ZNF544: variants seen among roughly 807,000 people sequenced by gnomAD.
ZNF544 encodes zinc finger protein AF020591.
In ZNF544, 10 loss-of-function variants were observed where a neutral mutation model predicts 13.5. That is an observed-to-expected ratio of 0.74 (90% CI 0.46 to 1.25). The LOEUF (loss-of-function observed/expected upper bound fraction) is 1.25, where lower values mean the gene tolerates loss of function less well. Ranked by LOEUF, ZNF544 falls within the 50% of genes most tolerant of loss-of-function variation. The probability of loss-of-function intolerance (pLI) is 0.00; values close to 1 mark genes in which losing one functional copy is unlikely to be tolerated. For synonymous variants in ZNF544, 323 were observed against 300.5 expected, an observed-to-expected ratio of 1.07 and a Z score of -0.77; for missense variants, 896 against 845.6, an observed-to-expected ratio of 1.06 and a Z score of -0.74.
intron 6 of ZNF544, chr19:58,259,411 C>T (rs960224406): frequency 6.6e-6 from 1 of 152,194 alleles, no homozygotes; most frequent in Non-Finnish European, 1.5e-5. Flanking sequence ...TCTGTGTTTG[C>T]TTCCTGTGGC....
At chr19:58,269,831 G>A (rs910629085) in intron 5 of ZNF544, among the ~76,000 whole-genome samples, 1 of 152,082 alleles carries the variant, frequency 6.6e-6, no homozygotes, top group Non-Finnish European at 1.5e-5. Flanking sequence ...TGACGCAGGA[G>A]TATCACTTGA....
chr19:58,266,692 T>G (rs2049958621), downstream of ZNF544: 1 of 151,782 alleles, frequency 6.6e-6, no homozygotes, highest in African/African-American at 2.4e-5. Flanking sequence ...TCCATGAAAC[T>G]CAGACTCTTC....
downstream of ZNF544, among the ~76,000 whole-genome samples, chr19:58,266,212 C>CAAAAAAAAA (rs760851818): frequency 1.3e-4 from 6 of 46,206 alleles, no homozygotes; most frequent in South Asian, 3.7e-3. Context: ...GACTCTGTCT[C>CAAAAAAAAA]AAAAAAAAAA....
chr19:58,241,990 ATG>A (rs1220160755), intron 3 of ZNF544, among the ~76,000 whole-genome samples: 1 of 151,586 alleles, frequency 6.6e-6, no homozygotes, highest in Non-Finnish European at 1.5e-5. Flanking sequence ...TGCCTGAAGA[ATG>A]TTATGTGTCT....
At chr19:58,231,072 C>T (rs1454539358) in intron 3 of ZNF544, among the ~76,000 whole-genome samples, 1 of 152,098 alleles carries the variant, frequency 6.6e-6, no homozygotes, top group Non-Finnish European at 1.5e-5. Flanking sequence ...ACCCAGAACT[C>T]AGAAACTAGC....
rs780962932 is a variant in ZNF544 at position 58,261,279 on chromosome 19, A to T, written c.673A>T (p.Ser225Cys). Residue 225 changes from serine to cysteine, a missense_variant, in exon 7 of 7, where the codon AGT (serine) becomes TGT (cysteine). Ser to Cys is a moderately radical substitution (Grantham distance 112). Transcript: ENST00000687789. The stretch of plus-strand genomic sequence containing the variant: ...TCAGTGTGCTAGAGCTTTCTGTCAG[A>T]GTATTTACTTGAGTAAACTTGGAAA... ...SHQCARAFCQ[S>C]IYLSKLGNVE... 1 of 1,614,206 alleles carries T rather than the reference A, an allele frequency of 6.2e-7. No individual in the cohort carries two copies. The highest frequency in any genetic ancestry group is 2.2e-5 in the East Asian group (1 of 44,892).
intron 6 of ZNF544, among the ~76,000 whole-genome samples, chr19:58,249,517 T>A (rs2045946018): frequency 6.6e-6 from 1 of 152,172 alleles, no homozygotes; most frequent in Admixed American, 6.5e-5. Context: ...CCAAGGCAAG[T>A]ATAGTCATTA....
At chr19:58,276,281 G>A (rs2051217158) in intron 5 of ZNF544, 3 of 1,115,898 alleles carry the variant, frequency 2.7e-6, no homozygotes, top group Non-Finnish European at 3.4e-6. Context: ...CCACTGTGCA[G>A]GGGAAGGCAA....
At chr19:58,243,887 G>T (rs1016359851) in intron 3 of ZNF544, 78 bp from the exon 4 acceptor site, 1 of 1,219,208 alleles carries the variant, frequency 8.2e-7, no homozygotes, top group African/African-American at 1.6e-5. Flanking sequence ...GGCCGGCCCC[G>T]CGTTCTCTAG....
chr19:58,240,417 C>T (rs555147245), intron 3 of ZNF544, among the ~76,000 whole-genome samples: 1 of 151,982 alleles, frequency 6.6e-6, no homozygotes, highest in East Asian at 2.0e-4. Context: ...ACCACCACGC[C>T]CGTCTAATTT....
At chr19:58,241,180 T>TATATTTTAATATATATA (rs1491408473) in intron 3 of ZNF544, among the ~76,000 whole-genome samples, 1 of 67,392 alleles carries the variant, frequency 1.5e-5, no homozygotes, top group African/African-American at 6.8e-5. Context: ...TATATATATA[T>TATATTTTAATATATATA]TTTTTTTTTT....
Position 58,261,287 on chromosome 19 carries a change from C to T in ZNF544, c.681C>T (p.Tyr227=), listed in dbSNP as rs780373759. The change falls in exon 7 of 7, where the codon TAC becomes TAT. Residue 227 remains tyrosine, a synonymous_variant. Coordinates refer to ENST00000687789, the MANE Select transcript of ZNF544 (RefSeq NM_014480.4). ...CTAGAGCTTTCTGTCAGAGTATTTACTTGAGTAAACTTGGAAACGTTGAAA... is the reference window on the plus strand; with the variant it reads ...CTAGAGCTTTCTGTCAGAGTATTTATTTGAGTAAACTTGGAAACGTTGAAA... The part of the protein sequence containing the change: ...QCARAFCQSI[Y]LSKLGNVETG... 1.9e-5 allele frequency: 30 copies of T among 1,614,016 alleles called. No individual in the cohort carries two copies. In the Admixed American group the frequency reaches 3.2e-4, roughly 17 times the overall value.
At chr19:58,248,273 C>CTTTTTT (rs34774786) in intron 6 of ZNF544, among the ~76,000 whole-genome samples, 2 of 108,516 alleles carry the variant, frequency 1.8e-5, no homozygotes, top group Non-Finnish European at 3.7e-5. Flanking sequence ...TTTTTTTTTT[C>CTTTTTT]TTTTTTTTTT....
chr19:58,244,446 C>T (rs774401136), intron 4 of ZNF544, among the ~76,000 whole-genome samples: 1 of 152,050 alleles, frequency 6.6e-6, no homozygotes, highest in Non-Finnish European at 1.5e-5. Context: ...CTGTAGTTAC[C>T]TACCTGCAGA....
At chr19:58,238,572 T>C (rs1040045721) in intron 3 of ZNF544, among the ~76,000 whole-genome samples, 6 of 152,122 alleles carry the variant, frequency 3.9e-5, no homozygotes, top group African/African-American at 1.2e-4. Context: ...TCAGTACACG[T>C]GTGAGCATCG....
rs1403568111 is a variant in ZNF544 at position 58,246,431 on chromosome 19, A to G, written c.160+4A>G. 1.9e-6 allele frequency: 3 copies of G among 1,613,980 alleles called. No homozygotes were observed. Among genetic ancestry groups the G allele is most frequent in the Non-Finnish European group, 2.5e-6 (3 of 1,179,960 alleles). On this transcript the variant is annotated splice_donor_region_variant and intron_variant, in intron 5 of 6. Coordinates refer to ENST00000687789, the MANE Select transcript of ZNF544 (RefSeq NM_014480.4). ...TGGGAGCATATTGTCTCCCTGGGTA[A>G]GTGGCTGTGCTCATGGAAGGAGGTT...
At chr19:58,256,201 C>T (rs1055267234) in intron 6 of ZNF544, among the ~76,000 whole-genome samples, 5 of 151,832 alleles carry the variant, frequency 3.3e-5, no homozygotes, top group African/African-American at 4.8e-5. Flanking sequence ...TCCCAAACCT[C>T]GAGCCTACCT....
intron 6 of ZNF544, among the ~76,000 whole-genome samples, chr19:58,252,411 C>A (rs953553714): frequency 6.6e-6 from 1 of 152,208 alleles, no homozygotes; most frequent in African/African-American, 2.4e-5. Flanking sequence ...ATTTACCATA[C>A]AGGATCCTGT....
At chr19:58,263,788 G>C (rs1359885930), downstream of ZNF544, 1 of 166,006 alleles carries the variant, frequency 6.0e-6, no homozygotes, top group African/African-American at 2.4e-5. Context: ...TGGCAAAACT[G>C]TCTCTATTAA....
Sources: allele counts gnomAD v4.1 joint callset (sites outside exome capture counted in the v4.1 genomes callset), GRCh38; gene constraint gnomAD v4.1.1; transcripts MANE v1.5; gene names NCBI Gene and HGNC (gene_info 2026-07-23, HGNC 2026-07-21).